GIPR: variants seen among roughly 807,000 people sequenced by gnomAD.
GIPR encodes the protein gastric inhibitory polypeptide receptor.
In GIPR, 74 loss-of-function variants were observed where a neutral mutation model predicts 62.2. That is an observed-to-expected ratio of 1.19 (90% CI 0.99 to 1.44). The LOEUF (loss-of-function observed/expected upper bound fraction) is 1.44, where lower values mean the gene tolerates loss of function less well. GIPR is among the 40% of genes most tolerant of loss of function. The pLI, the probability that GIPR is intolerant of heterozygous loss-of-function variation, is 0.00. For missense variants in GIPR, 664 were observed against 611.8 expected (o/e 1.09, Z -0.90); for synonymous variants, 256 against 262.2 (o/e 0.98, Z 0.23).
chr19:45,668,877 C>G (rs1217169926), intron 1 of GIPR, among the ~76,000 whole-genome samples: 1 of 152,216 alleles, frequency 6.6e-6, no homozygotes, highest in Non-Finnish European at 1.5e-5. Flanking sequence ...TATCTACCCC[C>G]AGCGGGGAAA....
At chr19:45,673,067 G>A in intron 5 of GIPR, 113 bp downstream of exon 5, 2 of 717,616 alleles carry the variant, frequency 2.8e-6, no homozygotes, top group South Asian at 3.0e-5. Flanking sequence ...TTGTAAGTGA[G>A]AGAAACTCAA....
At chr19:45,674,531 C>A in intron 6 of GIPR, 151 bp from the exon 7 acceptor site, 1 of 721,522 alleles carries the variant, frequency 1.4e-6, no homozygotes, top group Non-Finnish European at 2.4e-6. Context: ...TGCTTGAGCT[C>A]AGGAGGTTGA....
At chr19:45,678,641 G>T (rs1001500012) in intron 12 of GIPR, among the ~76,000 whole-genome samples, 1 of 152,214 alleles carries the variant, frequency 6.6e-6, no homozygotes, top group African/African-American at 2.4e-5. Context: ...GGGATTACAG[G>T]CGTGAGCCAT....
chr19:45,670,904 G>GCCTCCCA (rs1975501084), intron 3 of GIPR, among the ~76,000 whole-genome samples, 170 bp downstream of exon 3: 1 of 152,060 alleles, frequency 6.6e-6, no homozygotes, highest in Non-Finnish European at 1.5e-5. Flanking sequence ...ACGGTTCCTG[G>GCCTCCCA]GGGAGGCCTG....
intron 4 of GIPR, among the ~76,000 whole-genome samples, 169 bp downstream of exon 4, chr19:45,671,561 C>A (rs568018923): frequency 3.9e-5 from 6 of 152,314 alleles, no homozygotes; most frequent in African/African-American, 7.2e-5. Context: ...TCCAACCCTG[C>A]CTATCTCACA....
rs200291210 is a variant in GIPR at position 45,672,917 on chromosome 19, C to G, written c.347C>G (p.Thr116Arg). The change falls in exon 5 of 14, where the codon ACA becomes AGA. Residue 116 changes from threonine (T) to arginine (R), a missense_variant. Coordinates refer to ENST00000590918, the MANE Select transcript of GIPR (RefSeq NM_000164.4). ...DGQWGLWRDH[T>R]QCENPEKNEA... ...CAATGGGGACTTTGGAGAGACCATA[C>G]ACAATGTGAGAACCCAGAGAAGAAT... 1.3e-4 allele frequency: 213 copies of G among 1,612,294 alleles called. 1 individual carries two copies. Among genetic ancestry groups the G allele is most frequent in the Middle Eastern group, 4.9e-4 (3 of 6,082 alleles).
chr19:45,672,375 T>C (rs1318582437), intron 4 of GIPR, among the ~76,000 whole-genome samples: 1 of 150,648 alleles, frequency 6.6e-6, no homozygotes, highest in African/African-American at 2.4e-5. Context: ...TGGCGTGATC[T>C]CGGCTCACTG....
chr19:45,670,916 G>C (rs571613898), intron 3 of GIPR, among the ~76,000 whole-genome samples, 182 bp downstream of exon 3: 166 of 152,142 alleles, frequency 1.1e-3, no homozygotes, highest in South Asian at 2.1e-3. Flanking sequence ...GGAGGCCTGG[G>C]AGGAAGCTTG....
rs780168721 is a variant in GIPR, at chr19:45,683,025, G to A, written c.*1090G>A. The A allele has an allele frequency of 6.5e-6, 1 of 152,836 alleles. No homozygotes were observed. Among genetic ancestry groups the A allele is most frequent in the Non-Finnish European group, 1.5e-5 (1 of 68,322 alleles). The allele number at this position is 152,836 out of a possible 1,614,324, so 9.5% of individuals were successfully genotyped here. A position where few individuals can be genotyped will look rare whatever the true frequency, so the allele number is the denominator to read the frequency against. ...CAGTCGGATTTGAAGCTGTTTAAAA[G>A]GTGGAGGTGAGAGGATTTCATGAAG... On this transcript the variant is annotated 3_prime_UTR_variant, in exon 14 of 14. Transcript: ENST00000590918.
rs1305632176 is a variant in GIPR, at chr19:45,682,214, G to A, written c.*279G>A. 4.3e-6 allele frequency: 2 copies of A among 469,118 alleles called. No individual in the cohort carries two copies. The highest frequency in any genetic ancestry group is 3.8e-6 in the Non-Finnish European group (1 of 264,380). 29.1% of individuals were successfully genotyped at this position (469,118 alleles called of 1,614,324 possible). On this transcript the variant is annotated 3_prime_UTR_variant, in exon 14 of 14. Coordinates refer to ENST00000590918, the MANE Select transcript of GIPR (RefSeq NM_000164.4). ...TGACACTTAAGCCATCCCCGAAAGA[G>A]GTGAAAGAGATCACTTTGGGGAGAG...
At chr19:45,672,546 C>A in intron 4 of GIPR, 1 of 362,818 alleles carries the variant, frequency 2.8e-6, no homozygotes, top group Non-Finnish European at 5.4e-6. Flanking sequence ...ACCTTGTGAT[C>A]CACCTGTCTT....
At chr19:45,673,770 G>A (rs1975676017) in intron 5 of GIPR, among the ~76,000 whole-genome samples, 1 of 152,036 alleles carries the variant, frequency 6.6e-6, no homozygotes, top group Non-Finnish European at 1.5e-5. Context: ...AGGCTGGGGT[G>A]GGAGGATCGC....
Sources: gnomAD v4.1 joint callset for allele counts (sites outside exome capture counted in the v4.1 genomes callset) on GRCh38, gnomAD v4.1.1 for gene constraint, MANE v1.5 for transcripts, NCBI Gene and HGNC (gene_info 2026-07-23, HGNC 2026-07-21) for gene names.